The following FHIT variants were observed in gnomAD, a reference collection of about 807,000 sequenced individuals.
FHIT encodes fragile histidine triad diadenosine triphosphatase.
A neutral mutation model predicts 17.9 loss-of-function variants in FHIT; 19 were observed. That is an observed-to-expected ratio of 1.06 (90% confidence interval 0.74 to 1.56). The LOEUF (loss-of-function observed/expected upper bound fraction) is 1.56, where lower values mean the gene tolerates loss of function less well. Ranked by LOEUF, FHIT falls within the 40% of genes most tolerant of loss-of-function variation. The pLI is 0.00. For missense variants in FHIT, 248 were observed against 189.2 expected (o/e 1.31, Z -1.82); for synonymous variants, 81 against 69.7 (o/e 1.16, Z -0.81).
intron 5 of FHIT, among the ~76,000 whole-genome samples, chr3:60,202,172 G>A (rs189699294): frequency 1.0e-3 from 153 of 152,274 alleles, no homozygotes; most frequent in Non-Finnish European, 1.7e-3. Flanking sequence ...TCAAGACTTC[G>A]TCACTAATTA....
intron 4 of FHIT, among the ~76,000 whole-genome samples, chr3:60,715,336 C>G (rs954706052): frequency 6.6e-6 from 1 of 151,968 alleles, no homozygotes; most frequent in Admixed American, 6.6e-5. Flanking sequence ...CCATATGAGG[C>G]ACTATTCGCA....
At chr3:60,530,658 G>A (rs1351508682) in intron 5 of FHIT, among the ~76,000 whole-genome samples, 2 of 152,110 alleles carry the variant, frequency 1.3e-5, no homozygotes, top group Non-Finnish European at 2.9e-5. Flanking sequence ...ACTACCAACT[G>A]ATCAGCTGGT....
chr3:60,763,567 G>A (rs1699738474), intron 4 of FHIT, among the ~76,000 whole-genome samples: 1 of 152,212 alleles, frequency 6.6e-6, no homozygotes, highest in Non-Finnish European at 1.5e-5. Context: ...TAGCTAGTAA[G>A]TGGCAAATCC....
At chr3:60,794,353 G>GAGGA (rs1298304428) in intron 4 of FHIT, among the ~76,000 whole-genome samples, 1 of 150,358 alleles carries the variant, frequency 6.7e-6, no homozygotes, top group African/African-American at 2.5e-5. Context: ...TAAATGCAAA[G>GAGGA]AGGAAGGAAG....
chr3:60,389,548 T>C (rs1357835255), intron 5 of FHIT, among the ~76,000 whole-genome samples: 2 of 152,142 alleles, frequency 1.3e-5, no homozygotes, highest in Non-Finnish European at 2.9e-5. Context: ...TTAAATGCTA[T>C]CAGAGAATGT....
chr3:60,635,393 C>T (rs1254718208), intron 4 of FHIT, among the ~76,000 whole-genome samples: 1 of 152,220 alleles, frequency 6.6e-6, no homozygotes, highest in African/African-American at 2.4e-5. Flanking sequence ...CCTCCCTTTA[C>T]TGAACCACTT....
At chr3:60,492,089 G>A (rs968007160) in intron 5 of FHIT, among the ~76,000 whole-genome samples, 4 of 152,058 alleles carry the variant, frequency 2.6e-5, no homozygotes, top group African/African-American at 9.7e-5. Context: ...TTAATGTGTT[G>A]TATTTCTTAA....
chr3:60,568,237 C>A (rs2734364), intron 4 of FHIT, among the ~76,000 whole-genome samples: 1 of 152,156 alleles, frequency 6.6e-6, no homozygotes, highest in African/African-American at 2.4e-5. Flanking sequence ...ACTGGATTAA[C>A]AAAATGTGGC....
intron 7 of FHIT, among the ~76,000 whole-genome samples, chr3:59,963,270 A>AATAAT (rs1707769851): frequency 6.7e-6 from 1 of 150,326 alleles, no homozygotes; most frequent in Non-Finnish European, 1.5e-5. Flanking sequence ...CCATCTCAAA[A>AATAAT]AATAATAATA....
chr3:59,852,692 T>A lies in FHIT; in HGVS notation c.348+69654A>T, dbSNP rs149371098. 2.2e-3 allele frequency among the ~76,000 whole-genome samples: 341 copies of A among 152,246 alleles called. 1 individual carries two copies. Among genetic ancestry groups the A allele is most frequent in the African/African-American group, 7.8e-3 (324 of 41,556 alleles). On this transcript the variant is annotated intron_variant, in intron 8 of 9. Transcript: ENST00000492590. ...ATCCGCCTATTCATCCCTCCCTCCC[T>A]CCTAATCCTTGGCAACCACTGATCT...
At chr3:60,810,889 C>T (rs1701551637) in intron 4 of FHIT, among the ~76,000 whole-genome samples, 1 of 152,056 alleles carries the variant, frequency 6.6e-6, no homozygotes, top group African/African-American at 2.4e-5. Flanking sequence ...AGAAATAATG[C>T]CCAAACTGTT....
At chr3:60,987,992 A>C (rs1003116206) in intron 3 of FHIT, among the ~76,000 whole-genome samples, 1 of 152,226 alleles carries the variant, frequency 6.6e-6, no homozygotes, top group African/African-American at 2.4e-5. Context: ...TATGACGCTT[A>C]TTCCCAGGAT....
intron 8 of FHIT, among the ~76,000 whole-genome samples, chr3:59,754,745 TAGA>T (rs767262288): frequency 6.6e-5 from 10 of 152,208 alleles, no homozygotes; most frequent in Non-Finnish European, 1.3e-4. Flanking sequence ...TGCCAATCCT[TAGA>T]AGAAGTTTTT....
rs181432301 is a variant in FHIT at position 60,431,197 on chromosome 3, C to A, written c.103+105663G>T. Among the ~76,000 whole-genome samples, 806 of 126,608 alleles carry A rather than the reference C, an allele frequency of 6.4e-3. 9 individuals carry two copies. The highest frequency in any genetic ancestry group is 0.023 in the African/African-American group (775 of 33,864). 83.1% of individuals were successfully genotyped at this position (126,608 alleles called of 152,430 possible). A position where few individuals can be genotyped will look rare whatever the true frequency, so the allele number is the denominator to read the frequency against. The stretch of plus-strand genomic sequence containing the variant: ...CTGCACTCTAGCCTGGATGACAAAG[C>A]AAGATTCCATCTCAAAAGAAAAAAA... On this transcript the variant is annotated intron_variant, in intron 5 of 9. Coordinates refer to ENST00000492590, the MANE Select transcript of FHIT (RefSeq NM_002012.4).
chr3:61,136,891 C>T (rs1294446183), intron 2 of FHIT, among the ~76,000 whole-genome samples: 1 of 152,166 alleles, frequency 6.6e-6, no homozygotes, highest in African/African-American at 2.4e-5. Context: ...CAATGGATTG[C>T]AACCATGTGC....
At chr3:60,905,368 C>A (rs142104023) in intron 3 of FHIT, among the ~76,000 whole-genome samples, 1 of 152,122 alleles carries the variant, frequency 6.6e-6, no homozygotes, top group East Asian at 1.9e-4. Context: ...AAGGGTATAA[C>A]CTGTGTAAAG....
At chr3:60,609,670 T>A (rs939496) in intron 4 of FHIT, among the ~76,000 whole-genome samples, 1 of 151,970 alleles carries the variant, frequency 6.6e-6, no homozygotes, top group Non-Finnish European at 1.5e-5. Context: ...ATTGTTTTAT[T>A]CACTAGGCTT....
intron 4 of FHIT, among the ~76,000 whole-genome samples, chr3:60,760,288 G>A (rs1699601689): frequency 3.3e-5 from 5 of 152,204 alleles, no homozygotes. Context: ...AAGCAGAACA[G>A]TTCAGAGAGC....
At chr3:60,961,447 G>A (rs372454705) in intron 3 of FHIT, among the ~76,000 whole-genome samples, 29 of 152,270 alleles carry the variant, frequency 1.9e-4, no homozygotes, top group East Asian at 1.7e-3. Context: ...GATCCCATTT[G>A]TCAATTTTGG....
Sources: allele counts gnomAD v4.1 joint callset (sites outside exome capture counted in the v4.1 genomes callset), GRCh38; gene constraint gnomAD v4.1.1; transcripts MANE v1.5; gene names NCBI Gene and HGNC (gene_info 2026-07-23, HGNC 2026-07-21).